VPS13B: variants seen among roughly 807,000 people sequenced by gnomAD.
The protein encoded by VPS13B is intermembrane lipid transfer protein VPS13B.
In VPS13B, 285 loss-of-function variants were observed where a neutral mutation model predicts 426.4. The ratio of observed to expected loss-of-function variants is 0.67; its 90% CI spans 0.61 to 0.74. VPS13B has a LOEUF of 0.74. Ranked by LOEUF, VPS13B falls within the 30% of genes least tolerant of loss-of-function variation. VPS13B has a pLI of 0.00. For missense variants in VPS13B, 4,537 were observed against 4,782.6 expected (o/e 0.95, Z 1.51); for synonymous variants, 1,676 against 1,676.4 (o/e 1.00, Z 0.01).
At chr8:99,033,235 T>C (rs145535784) in intron 2 of VPS13B, among the ~76,000 whole-genome samples, 7 of 152,358 alleles carry the variant, frequency 4.6e-5, no homozygotes, top group African/African-American at 1.7e-4. Flanking sequence ...TATCTTATTC[T>C]TTATTTGAGT....
Position 99,134,727 on chromosome 8 carries a change from G to A in VPS13B, c.1302G>A (p.Glu434=), listed in dbSNP as rs1809982990. The A allele has an allele frequency of 1.2e-6, 2 of 1,601,516 alleles. No individual in the cohort carries two copies. The highest frequency in any genetic ancestry group is 1.3e-5 in the African/African-American group (1 of 74,562). ...GGGAACAAGAAGGAACTACAGTTGA[G>A]GTAATCTTTCAATATTGAACCTGTA... The part of the protein sequence containing the change: ...LCWEQEGTTV[E]ALMMGEPFFD... Residue 434 remains glutamate (E), a splice_region_variant and synonymous_variant, in exon 9 of 62, where the codon GAG becomes GAA. Coordinates refer to ENST00000357162, the MANE Select transcript of VPS13B (RefSeq NM_152564.5).
intron 23 of VPS13B, 61 bp downstream of exon 23, chr8:99,442,696 G>A: frequency 6.6e-7 from 1 of 1,524,926 alleles, no homozygotes; most frequent in Non-Finnish European, 9.0e-7. Flanking sequence ...TAGATTTGTT[G>A]GTGTTTTTAA....
At chr8:99,640,761 T>G (rs941609244) in intron 33 of VPS13B, among the ~76,000 whole-genome samples, 4 of 152,186 alleles carry the variant, frequency 2.6e-5, no homozygotes, top group Non-Finnish European at 4.4e-5. Context: ...ATTTGAGTTA[T>G]CAATTTGTCC....
intron 34 of VPS13B, 130 bp from the exon 35 acceptor site, chr8:99,661,224 A>G: frequency 1.7e-6 from 2 of 1,169,962 alleles, no homozygotes; most frequent in Non-Finnish European, 1.2e-6. Context: ...GTGCACAAAC[A>G]AATGAAACAA....
At chr8:99,133,721 T>G (rs1045763078) in intron 8 of VPS13B, among the ~76,000 whole-genome samples, 3 of 151,826 alleles carry the variant, frequency 2.0e-5, no homozygotes, top group African/African-American at 7.3e-5. Flanking sequence ...GAGAGGGGAG[T>G]GGCTAGACAG....
chr8:99,132,704 A>G (rs1426491008), intron 8 of VPS13B, among the ~76,000 whole-genome samples: 1 of 152,202 alleles, frequency 6.6e-6, no homozygotes, highest in Non-Finnish European at 1.5e-5. Flanking sequence ...TGCAGAATGG[A>G]TGTCATTTTA....
At position 99,054,049 on chromosome 8, in the gene VPS13B, A is replaced by G. The variant is rs1287256946; in HGVS notation, c.291+15483A>G. Among the ~76,000 whole-genome samples, 3 of 151,958 alleles carry G rather than the reference A, an allele frequency of 2.0e-5. No homozygotes were observed. In the East Asian group the frequency reaches 5.8e-4, roughly 29 times the overall value. On this transcript the variant is annotated intron_variant, in intron 3 of 61. Coordinates refer to ENST00000357162, the MANE Select transcript of VPS13B (RefSeq NM_152564.5). ...GGCTGAATAATATTTTTTTGTGTGTATTTACCCCATTTGGTTTATTCATTC... is the reference window on the plus strand; with the variant it reads ...GGCTGAATAATATTTTTTTGTGTGTGTTTACCCCATTTGGTTTATTCATTC...
intron 35 of VPS13B, among the ~76,000 whole-genome samples, chr8:99,695,449 CA>C (rs1588631058): frequency 6.8e-6 from 1 of 147,042 alleles, no homozygotes; most frequent in African/African-American, 2.5e-5. Context: ...ATCGCAAGAA[CA>C]AAAAACCAAA....
chr8:99,849,260 C>CGTAT (rs1474421027), intron 55 of VPS13B, among the ~76,000 whole-genome samples: 2 of 152,122 alleles, frequency 1.3e-5, no homozygotes, highest in Admixed American at 1.3e-4. Context: ...AATATAAATA[C>CGTAT]GCCTCTTAGA....
intron 17 of VPS13B, among the ~76,000 whole-genome samples, chr8:99,269,218 A>G (rs1818453952): frequency 6.6e-6 from 1 of 152,138 alleles, no homozygotes; most frequent in Admixed American, 6.5e-5. Flanking sequence ...ATTATTCTAT[A>G]TTTAATTTTA....
chr8:99,543,372 T>C (rs1207543502), intron 30 of VPS13B, among the ~76,000 whole-genome samples: 3 of 152,046 alleles, frequency 2.0e-5, no homozygotes, highest in Non-Finnish European at 4.4e-5. Flanking sequence ...GAAGAAAACC[T>C]AGGCATTACC....
intron 3 of VPS13B, among the ~76,000 whole-genome samples, chr8:99,048,821 A>G (rs1265318226): frequency 6.6e-6 from 1 of 151,698 alleles, no homozygotes; most frequent in Non-Finnish European, 1.5e-5. Flanking sequence ...TCTCAAAAAA[A>G]AAAAAGAAAA....
chr8:99,411,576 AT>A (rs1291611384), intron 21 of VPS13B, among the ~76,000 whole-genome samples: 1 of 152,036 alleles, frequency 6.6e-6, no homozygotes, highest in Admixed American at 6.6e-5. Context: ...TTTAGATCCC[AT>A]TTGTCAATTT....
At chr8:99,173,124 G>A (rs1436703071) in intron 16 of VPS13B, among the ~76,000 whole-genome samples, 2 of 152,118 alleles carry the variant, frequency 1.3e-5, no homozygotes, top group East Asian at 3.9e-4. Flanking sequence ...ACTTAGCACA[G>A]TGCCAATTGT....
chr8:99,831,076 C>CTTTTTTCTTTTTT (rs1554573262), intron 51 of VPS13B, among the ~76,000 whole-genome samples: 6 of 120,078 alleles, frequency 5.0e-5, no homozygotes, highest in African/African-American at 1.9e-4. Flanking sequence ...GTGTTTTTTT[C>CTTTTTTCTTTTTT]TTTTTTTTTT....
intron 36 of VPS13B, among the ~76,000 whole-genome samples, chr8:99,710,896 T>C (rs1412863232): frequency 6.6e-6 from 1 of 150,450 alleles, no homozygotes; most frequent in African/African-American, 2.4e-5. Context: ...TCCCAGCTAC[T>C]TGGGAGGCTG....
intron 17 of VPS13B, among the ~76,000 whole-genome samples, chr8:99,216,516 G>C (rs2132813883): frequency 6.6e-6 from 1 of 152,056 alleles, no homozygotes; most frequent in East Asian, 1.9e-4. Flanking sequence ...ATGAATGAAT[G>C]AATGTAAAAT....
chr8:99,561,811 C>T (rs1824937414), intron 31 of VPS13B, among the ~76,000 whole-genome samples: 1 of 152,230 alleles, frequency 6.6e-6, no homozygotes, highest in Non-Finnish European at 1.5e-5. Context: ...TACAATTTGT[C>T]TATCCATTTA....
At chr8:99,418,001 A>G (rs1365516717) in intron 21 of VPS13B, among the ~76,000 whole-genome samples, 1 of 152,166 alleles carries the variant, frequency 6.6e-6, no homozygotes, top group African/African-American at 2.4e-5. Flanking sequence ...CCATGCTTTC[A>G]GGAAACTTTT....
Sources: allele counts gnomAD v4.1 joint callset (sites outside exome capture counted in the v4.1 genomes callset), GRCh38; gene constraint gnomAD v4.1.1; transcripts MANE v1.5; gene names NCBI Gene and HGNC (gene_info 2026-07-23, HGNC 2026-07-21).